The following SLC9A2 variants were observed in gnomAD, a reference collection of about 807,000 sequenced individuals.
SLC9A2 encodes the protein solute carrier family 9 member A2, also known as sodium/hydrogen exchanger 2.
In SLC9A2, 42 loss-of-function variants were observed where a neutral mutation model predicts 71.7. The ratio of observed to expected loss-of-function variants is 0.59; its 90% confidence interval spans 0.46 to 0.76. The LOEUF is 0.76. Ranked by LOEUF, SLC9A2 falls within the 30% of genes least tolerant of loss-of-function variation. The probability of loss-of-function intolerance (pLI) is 0.00; values close to 1 mark genes in which losing one functional copy is unlikely to be tolerated. For synonymous variants in SLC9A2, 396 were observed against 392.5 expected (o/e 1.01, Z -0.10); for missense variants, 829 against 1,017.4 (o/e 0.81, Z 2.52).
At chr2:102,654,272 G>A (rs1386444700) in intron 1 of SLC9A2, among the ~76,000 whole-genome samples, 1 of 129,598 alleles carries the variant, frequency 7.7e-6, no homozygotes, top group East Asian at 2.6e-4. Context: ...GGTGCACATA[G>A]AAGCAAGAGT....
At chr2:102,705,468 G>GAA (rs147457162) in intron 10 of SLC9A2, among the ~76,000 whole-genome samples, 3 of 144,324 alleles carry the variant, frequency 2.1e-5, no homozygotes, top group Non-Finnish European at 3.1e-5. Context: ...ATATTAAAGT[G>GAA]AAAAAAAAAA....
chr2:102,662,365 T>C (rs1194784603), intron 2 of SLC9A2, among the ~76,000 whole-genome samples: 1 of 152,178 alleles, frequency 6.6e-6, no homozygotes, highest in Non-Finnish European at 1.5e-5. Context: ...TTCAGTGCAC[T>C]GGATGGACTA....
rs577884075 is a variant in SLC9A2 at position 102,648,952 on chromosome 2, T to C, written c.290-8612T>C. On this transcript the variant is annotated intron_variant, in intron 1 of 11. Transcript: ENST00000233969. ...CAATGCTATCCCCATCAAGCTACCA[T>C]TGACTTTCTTCAGAGAACTGAAAAA... is the stretch of plus-strand genomic sequence containing the variant. 4.6e-5 allele frequency among the ~76,000 whole-genome samples: 7 copies of C among 152,270 alleles called. No individual in the cohort carries two copies. In the East Asian group the frequency reaches 1.4e-3, roughly 29 times the overall value.
intron 1 of SLC9A2, among the ~76,000 whole-genome samples, chr2:102,641,083 T>C (rs931399233): frequency 6.6e-5 from 10 of 152,110 alleles, no homozygotes; most frequent in Admixed American, 3.3e-4. Flanking sequence ...TACTACATAC[T>C]GTATGAGGTA....
chr2:102,705,699 T>C (rs566312911), intron 10 of SLC9A2, 147 bp from the exon 11 acceptor site: 255 of 482,888 alleles, frequency 5.3e-4, no homozygotes, highest in East Asian at 2.0e-3. Flanking sequence ...CAAGTTATAA[T>C]AGTTATAGCC....
At chr2:102,646,859 A>G (rs1052955186) in intron 1 of SLC9A2, among the ~76,000 whole-genome samples, 1 of 151,364 alleles carries the variant, frequency 6.6e-6, no homozygotes. Flanking sequence ...TTAGACTCCC[A>G]TACAATAATA....
intron 1 of SLC9A2, among the ~76,000 whole-genome samples, chr2:102,623,967 T>A (rs1429781451): frequency 1.3e-5 from 2 of 152,072 alleles, no homozygotes; most frequent in African/African-American, 4.8e-5. Context: ...AATATTACAA[T>A]CAGAAGTGAG....
In SLC9A2 at chr2:102,684,402, C is replaced by CA; in HGVS notation, c.1425+67dup. 5 of 1,440,518 alleles carry CA rather than the reference C, an allele frequency of 3.5e-6. No homozygotes were observed. In the Admixed American group the frequency reaches 8.4e-5, roughly 24 times the overall value. The allele number at this position is 1,440,518 out of a possible 1,614,324, so 89.2% of individuals were successfully genotyped here. On this transcript the variant is annotated intron_variant, in intron 5 of 11. Transcript: ENST00000233969. ...CGTTCAGAATATTGGATTCTGTTTA[C>CA]AGGATGCAAAGTAGCAAAGGTGTGT...
In SLC9A2 at chr2:102,695,132, A is replaced by T. The variant is rs747489328; in HGVS notation, c.1586+19A>T. ...GAGACAAGTAAGAAGGTCTTATGCC[A>T]TTGGGTTATGAAGTGGCCCAGGGTC... On this transcript the variant is annotated intron_variant, in intron 7 of 11. Coordinates refer to ENST00000233969, the MANE Select transcript of SLC9A2 (RefSeq NM_003048.6). 5.6e-6 allele frequency: 9 copies of T among 1,596,332 alleles called. No homozygotes were observed. The South Asian group carries it at 8.8e-5, about 16-fold the overall frequency.
chr2:102,662,082 A>C (rs1046751293), intron 2 of SLC9A2, among the ~76,000 whole-genome samples: 1 of 152,154 alleles, frequency 6.6e-6, no homozygotes, highest in African/African-American at 2.4e-5. Flanking sequence ...TAACGCTCCT[A>C]CCTGAGATAT....
At chr2:102,675,101 G>A (rs978750222) in intron 3 of SLC9A2, among the ~76,000 whole-genome samples, 5 of 152,178 alleles carry the variant, frequency 3.3e-5, no homozygotes, top group Non-Finnish European at 5.9e-5. Flanking sequence ...AGAAGGCAGC[G>A]AACTTAAACT....
intron 1 of SLC9A2, among the ~76,000 whole-genome samples, chr2:102,650,577 A>G (rs995040667): frequency 1.3e-5 from 2 of 152,234 alleles, no homozygotes; most frequent in Non-Finnish European, 2.9e-5. Flanking sequence ...GGAATTTTCC[A>G]CAGTTGTGGA....
intron 1 of SLC9A2, among the ~76,000 whole-genome samples, chr2:102,652,156 C>G (rs1676848471): frequency 6.6e-6 from 1 of 152,158 alleles, no homozygotes; most frequent in South Asian, 2.1e-4. Flanking sequence ...AGTGGTTAAT[C>G]ACATCTGTTT....
chr2:102,657,618 T>A lies in SLC9A2; in HGVS notation c.344T>A (p.Ile115Lys), dbSNP rs760554321. Residue 115 changes from isoleucine (I) to lysine (K), a missense_variant, in exon 2 of 12, where the codon ATA (isoleucine) becomes AAA (lysine). By Grantham distance (102) the Ile-to-Lys change is moderately radical. Coordinates refer to ENST00000233969, the MANE Select transcript of SLC9A2 (RefSeq NM_003048.6). ...PTIVPESCLL[I>K]MVGLLLGGII... ...ATAGTGCCTGAGAGCTGCCTTCTTA[T>A]AATGGTTGGACTTCTACTAGGTGGG... 6.2e-7 allele frequency: 1 copy of A among 1,614,142 alleles called. No homozygotes were observed. Among genetic ancestry groups the A allele is most frequent in the South Asian group, 1.1e-5 (1 of 91,072 alleles).
intron 9 of SLC9A2, among the ~76,000 whole-genome samples, chr2:102,703,991 A>G (rs987735440): frequency 6.6e-6 from 1 of 152,202 alleles, no homozygotes; most frequent in South Asian, 2.1e-4. Context: ...AGTAATTCCT[A>G]TTCAAAACAG....
At chr2:102,640,089 G>T (rs778662495) in intron 1 of SLC9A2, among the ~76,000 whole-genome samples, 1 of 152,178 alleles carries the variant, frequency 6.6e-6, no homozygotes, top group South Asian at 2.1e-4. Context: ...GTTAAAACAT[G>T]CACATCTGCT....
chr2:102,674,775 T>C (rs1409866588), intron 3 of SLC9A2, among the ~76,000 whole-genome samples: 1 of 152,164 alleles, frequency 6.6e-6, no homozygotes, highest in East Asian at 1.9e-4. Context: ...GATTTAGCCT[T>C]AGGGTGATAG....
At chr2:102,632,127 T>C (rs12613604) in intron 1 of SLC9A2, among the ~76,000 whole-genome samples, 43,755 of 108,180 alleles carry the variant, frequency 0.4, 9,607 homozygotes, top group East Asian at 0.66. Context: ...TATACATATA[T>C]ACATATATAT....
At position 102,626,458 on chromosome 2, in the gene SLC9A2, C is replaced by T. The variant is rs377648943; in HGVS notation, c.289+6321C>T. 3.9e-5 allele frequency among the ~76,000 whole-genome samples: 6 copies of T among 152,220 alleles called. No homozygotes were observed. The South Asian group carries it at 1.2e-3, about 32-fold the overall frequency. On this transcript the variant is annotated intron_variant, in intron 1 of 11. Transcript: ENST00000233969. Reference sequence around the variant, plus strand: ...AAAGACTTAAATGTTAGACCTAAAACCATAAAAACCCTAGAAGAAAACCTA... The same window carrying T: ...AAAGACTTAAATGTTAGACCTAAAATCATAAAAACCCTAGAAGAAAACCTA...
Sources: gnomAD v4.1 joint callset for allele counts (sites outside exome capture counted in the v4.1 genomes callset) on GRCh38, gnomAD v4.1.1 for gene constraint, MANE v1.5 for transcripts, NCBI Gene and HGNC (gene_info 2026-07-23, HGNC 2026-07-21) for gene names.